Variants in P3H2 observed in about 807,000 individuals in gnomAD.
P3H2 encodes the protein leprecan-like 1.
Under a neutral mutation model 87.0 loss-of-function variants are expected in P3H2, and 80 were observed. That is an observed-to-expected ratio of 0.92 (90% CI 0.77 to 1.11). P3H2 has a LOEUF of 1.11. Ranked by LOEUF, P3H2 falls within the 50% of genes least tolerant of loss-of-function variation. The probability of loss-of-function intolerance (pLI) is 0.00; values close to 1 mark genes in which losing one functional copy is unlikely to be tolerated. For synonymous variants in P3H2, 367 were observed against 359.3 expected, an observed-to-expected ratio of 1.02 and a Z score of -0.24; for missense variants, 1,001 against 923.9, an observed-to-expected ratio of 1.08 and a Z score of -1.08.
At chr3:190,042,685 T>C (rs755200166) in intron 1 of P3H2, among the ~76,000 whole-genome samples, 1 of 152,198 alleles carries the variant, frequency 6.6e-6, no homozygotes, top group Non-Finnish European at 1.5e-5. Context: ...CCTTTTGACC[T>C]GAATTCAAAG....
At position 190,044,830 on chromosome 3, in the gene P3H2, AG is replaced by A. The variant is rs966923222; in HGVS notation, c.481-49389del. ...TTGTCACTATGATTTAGCGGAGGGA[AG>A]AAAAAGGGTCTCTGTTCTCAATAAC... On this transcript the variant is annotated intron_variant, in intron 1 of 14. Coordinates refer to ENST00000319332, the MANE Select transcript of P3H2 (RefSeq NM_018192.4). Among the ~76,000 whole-genome samples, 236 of 152,282 alleles carry A rather than the reference AG, an allele frequency of 1.5e-3. 2 individuals carry two copies. Among genetic ancestry groups the A allele is most frequent in the African/African-American group, 5.4e-3 (225 of 41,548 alleles).
intron 1 of P3H2, among the ~76,000 whole-genome samples, chr3:190,113,284 A>G (rs1712144803): frequency 6.6e-6 from 1 of 151,290 alleles, no homozygotes. Context: ...CAGTGTCATC[A>G]TCTGTTAAGT....
chr3:190,049,087 C>A (rs1014328497), intron 1 of P3H2, among the ~76,000 whole-genome samples: 35 of 152,110 alleles, frequency 2.3e-4, no homozygotes, highest in African/African-American at 8.4e-4. Context: ...TAGTAGTTTT[C>A]TAGATATAAA....
intron 1 of P3H2, among the ~76,000 whole-genome samples, chr3:190,051,042 C>T (rs866798890): frequency 6.6e-6 from 1 of 152,122 alleles, no homozygotes; most frequent in Non-Finnish European, 1.5e-5. Flanking sequence ...TGAAGCAGAC[C>T]AGTCATAGCT....
rs143897804 is a variant in P3H2, at chr3:190,013,160, G to A, written c.481-17718C>T. On this transcript the variant is annotated intron_variant, in intron 1 of 14. Transcript: ENST00000319332. ...TGTGCTCTTCGATATATATTGATAT[G>A]AATATAATAAGAGATTATAGCATTG... is the stretch of plus-strand genomic sequence containing the variant. Among the ~76,000 whole-genome samples the A allele has an allele frequency of 1.8e-3, 276 of 152,286 alleles. 3 individuals are homozygous for A. The highest frequency in any genetic ancestry group is 6.2e-3 in the African/African-American group (257 of 41,564).
intron 1 of P3H2, among the ~76,000 whole-genome samples, chr3:190,046,776 T>C (rs981667730): frequency 6.6e-6 from 1 of 152,180 alleles, no homozygotes; most frequent in Non-Finnish European, 1.5e-5. Flanking sequence ...TATGGTAATT[T>C]ATTTTTAATT....
At chr3:190,119,212 A>C in intron 1 of P3H2, among the ~76,000 whole-genome samples, 1 of 123,108 alleles carries the variant, frequency 8.1e-6, no homozygotes, top group East Asian at 2.7e-4. Context: ...GAGAGGAGAA[A>C]AGAAAGCAAA....
intron 8 of P3H2, among the ~76,000 whole-genome samples, 178 bp downstream of exon 8, chr3:189,982,868 C>T (rs1457025599): frequency 6.6e-6 from 1 of 151,770 alleles, no homozygotes; most frequent in Non-Finnish European, 1.5e-5. Flanking sequence ...GGTAATAATA[C>T]ACAAATCTAA....
At chr3:190,047,144 G>C (rs6772721) in intron 1 of P3H2, among the ~76,000 whole-genome samples, 1 of 152,138 alleles carries the variant, frequency 6.6e-6, no homozygotes, top group African/African-American at 2.4e-5. Context: ...ATGAAAAGGT[G>C]CTCAACATCA....
intron 1 of P3H2, among the ~76,000 whole-genome samples, chr3:190,065,678 T>C (rs1726473343): frequency 6.6e-6 from 1 of 152,146 alleles, no homozygotes; most frequent in South Asian, 2.1e-4. Context: ...TTATATGAAA[T>C]GTCCTACACG....
chr3:190,013,347 T>C (rs1724654465), intron 1 of P3H2, among the ~76,000 whole-genome samples: 1 of 152,250 alleles, frequency 6.6e-6, no homozygotes, highest in South Asian at 2.1e-4. Flanking sequence ...AGTCTCCTGA[T>C]AGCTGTTTTT....
chr3:190,030,628 C>A (rs780302093), intron 1 of P3H2, among the ~76,000 whole-genome samples: 1 of 151,958 alleles, frequency 6.6e-6, no homozygotes, highest in African/African-American at 2.4e-5. Context: ...AAATGATTAT[C>A]ATGTTTGAAT....
intron 1 of P3H2, among the ~76,000 whole-genome samples, chr3:190,008,927 G>T (rs1356870260): frequency 6.6e-6 from 1 of 152,066 alleles, no homozygotes; most frequent in Non-Finnish European, 1.5e-5. Context: ...GGGCCCTTAA[G>T]AGAAGTAAAA....
chr3:189,997,357 T>C (rs922576988), intron 1 of P3H2, among the ~76,000 whole-genome samples: 1 of 152,240 alleles, frequency 6.6e-6, no homozygotes, highest in Non-Finnish European at 1.5e-5. Flanking sequence ...TTCACATTAG[T>C]TATCGTTTTC....
At chr3:189,976,225 A>C (rs710548) in intron 8 of P3H2, among the ~76,000 whole-genome samples, 33,692 of 152,086 alleles carry the variant, frequency 0.22, 3,864 homozygotes, top group Non-Finnish European at 0.26. Context: ...CACAATCTTA[A>C]TGTACCACGA....
At chr3:190,117,553 TG>T (rs11321486) in intron 1 of P3H2, among the ~76,000 whole-genome samples, 53,762 of 151,790 alleles carry the variant, frequency 0.35, 12,698 homozygotes, top group African/African-American at 0.68. Context: ...TCCAGTCACA[TG>T]GCAGGGAGTT....
chr3:189,993,416 T>C (rs762146186), intron 3 of P3H2, among the ~76,000 whole-genome samples: 78 of 152,174 alleles, frequency 5.1e-4, no homozygotes, highest in Non-Finnish European at 9.8e-4. Flanking sequence ...TACACTTATA[T>C]TGTTATTACA....
chr3:190,051,388 C>T (rs1237905656), intron 1 of P3H2, among the ~76,000 whole-genome samples: 1 of 151,966 alleles, frequency 6.6e-6, no homozygotes, highest in African/African-American at 2.4e-5. Context: ...TTTGGTCAAA[C>T]AATGCAATTT....
intron 1 of P3H2, among the ~76,000 whole-genome samples, chr3:190,042,516 G>A (rs1255064553): frequency 6.6e-6 from 1 of 152,054 alleles, no homozygotes; most frequent in Non-Finnish European, 1.5e-5. Context: ...AAGTATGTCA[G>A]AATATACTGC....
Sources: allele counts gnomAD v4.1 joint callset (sites outside exome capture counted in the v4.1 genomes callset), GRCh38; gene constraint gnomAD v4.1.1; transcripts MANE v1.5; gene names NCBI Gene and HGNC (gene_info 2026-07-23, HGNC 2026-07-21).